DMD: variants seen among roughly 807,000 people sequenced by gnomAD.
DMD encodes the protein mutant dystrophin.
A neutral mutation model predicts 330.1 loss-of-function variants in DMD; 63 were observed. The observed-to-expected ratio is 0.19, with a 90% confidence interval of 0.16 to 0.24. The LOEUF is 0.24. Among genes scored for constraint, DMD ranks in the 10% least tolerant of loss-of-function variants. DMD has a pLI of 1.00. For missense variants in DMD, 3,344 were observed against 2,684.1 expected, an observed-to-expected ratio of 1.25 and a Z score of -5.43; for synonymous variants, 1,223 against 959.8, an observed-to-expected ratio of 1.27 and a Z score of -5.07.
rs141361608 is a variant in DMD, at chrX:32,257,971, GA to G, written c.6290+29557del. Among the ~76,000 whole-genome samples the G allele has an allele frequency of 5.3e-4, 54 of 101,965 alleles. 1 individual carries two copies. Among genetic ancestry groups the G allele is most frequent in the South Asian group, 2.2e-3 (5 of 2,322 alleles). The allele number at this position is 101,965 out of a possible 115,157, so 88.5% of individuals were successfully genotyped here. ...ATAAGGAACTTAAACAAATTTACAA[GA>G]AAAAAAAAAACCCATCAGAAAGTGG... is the stretch of plus-strand genomic sequence containing the variant. On this transcript the variant is annotated intron_variant, in intron 43 of 78. Coordinates refer to ENST00000357033, the MANE Select transcript of DMD (RefSeq NM_004006.3).
chrX:31,615,773 G>C (rs1365648156), intron 55 of DMD, among the ~76,000 whole-genome samples: 1 of 111,932 alleles, frequency 8.9e-6, no homozygotes, highest in Non-Finnish European at 1.9e-5. Context: ...TTCTTTCTAA[G>C]TAGTTTCTCA....
At chrX:31,301,325 G>A (rs1476369135) in intron 62 of DMD, among the ~76,000 whole-genome samples, 3 of 111,451 alleles carry the variant, frequency 2.7e-5, no homozygotes, top group African/African-American at 9.8e-5. Context: ...AGAACTACCC[G>A]TGACTGGGTA....
chrX:33,277,073 C>T (rs773557278), intron 1 of DMD, among the ~76,000 whole-genome samples: 26 of 111,452 alleles, frequency 2.3e-4, no homozygotes, highest in African/African-American at 7.8e-4. Flanking sequence ...GGTAGATGTA[C>T]CATCACCTCA....
intron 47 of DMD, among the ~76,000 whole-genome samples, chrX:31,895,226 A>C (rs1188686961): frequency 1.8e-5 from 2 of 111,605 alleles, no homozygotes; most frequent in Non-Finnish European, 3.8e-5. Context: ...GATTTCACAG[A>C]GGATATCTCA....
intron 47 of DMD, among the ~76,000 whole-genome samples, chrX:31,892,830 C>T (rs1021908808): frequency 2.7e-5 from 3 of 112,094 alleles, no homozygotes; most frequent in African/African-American, 9.7e-5. Context: ...TGGACCAAAA[C>T]CTCATTACAC....
chrX:31,720,561 TTGTC>T (rs1442915507), intron 52 of DMD, among the ~76,000 whole-genome samples: 2 of 111,986 alleles, frequency 1.8e-5, no homozygotes, highest in African/African-American at 6.5e-5. Context: ...TTAGCTCACT[TTGTC>T]TGAGTATAAA....
At chrX:32,684,158 CGAATA>C (rs1391264592) in intron 9 of DMD, among the ~76,000 whole-genome samples, 1 of 108,780 alleles carries the variant, frequency 9.2e-6, no homozygotes, top group Non-Finnish European at 1.9e-5. Flanking sequence ...TGTATAACTT[CGAATA>C]GAACATACTC....
rs999876346 is a variant in DMD, at chrX:32,201,478, C to T, written c.6438+15438G>A. 5.3e-5 allele frequency among the ~76,000 whole-genome samples: 5 copies of T among 94,857 alleles called. No homozygotes were observed. The South Asian group carries it at 2.2e-3, about 41-fold the overall frequency. 82.4% of individuals were successfully genotyped at this position (94,857 alleles called of 115,157 possible). A position where few individuals can be genotyped will look rare whatever the true frequency, so the allele number is the denominator to read the frequency against. On this transcript the variant is annotated intron_variant, in intron 44 of 78. Coordinates refer to ENST00000357033, the MANE Select transcript of DMD (RefSeq NM_004006.3). ...ATATGCAAATTCAAACACCCCCCCC[C>T]CCCCCAACAAGGAGGCCATATTTAG...
chrX:32,996,641 G>A (rs1348305349), intron 2 of DMD, among the ~76,000 whole-genome samples: 1 of 110,850 alleles, frequency 9.0e-6, no homozygotes, highest in African/African-American at 3.3e-5. Context: ...GGGCCAACAT[G>A]GCAAAACCTC....
chrX:32,925,406 C>T (rs12849008), intron 2 of DMD, among the ~76,000 whole-genome samples: 2 of 110,446 alleles, frequency 1.8e-5, no homozygotes, highest in South Asian at 3.9e-4. Context: ...AATAGAACCC[C>T]TGATTCAGGT....
intron 64 of DMD, among the ~76,000 whole-genome samples, chrX:31,212,666 A>G (rs2044858398): frequency 9.0e-6 from 1 of 111,573 alleles, no homozygotes; most frequent in African/African-American, 3.3e-5. Flanking sequence ...TTAGAGCCAG[A>G]AGGTTGCTTT....
chrX:32,536,254 A>T (rs1177225089), intron 17 of DMD, among the ~76,000 whole-genome samples: 4 of 79,046 alleles, frequency 5.1e-5, no homozygotes, highest in African/African-American at 2.2e-4. Flanking sequence ...ACAGAGTGAG[A>T]CTCCGTCTCC....
intron 55 of DMD, among the ~76,000 whole-genome samples, chrX:31,537,108 A>G (rs1018288944): frequency 7.1e-5 from 8 of 112,127 alleles, no homozygotes; most frequent in East Asian, 2.8e-4. Context: ...CATAATCAAC[A>G]CTGAAATCAC....
At chrX:31,868,817 A>G (rs1398786313) in intron 48 of DMD, among the ~76,000 whole-genome samples, 1 of 66,981 alleles carries the variant, frequency 1.5e-5, no homozygotes, top group Admixed American at 2.0e-4. Context: ...TAAACTTTGG[A>G]GACTTTTAAA....
chrX:31,605,807 A>C (rs2077582880), intron 55 of DMD, among the ~76,000 whole-genome samples: 1 of 112,095 alleles, frequency 8.9e-6, no homozygotes, highest in South Asian at 3.7e-4. Flanking sequence ...AATACTTGAG[A>C]AGAGATTAGA....
rs191902664 is a variant in DMD, at chrX:31,641,315, G to A, written c.8028-13453C>T. Among the ~76,000 whole-genome samples the A allele has an allele frequency of 1.9e-3, 210 of 107,905 alleles. 1 individual carries two copies. Among genetic ancestry groups the A allele is most frequent in the Non-Finnish European group, 3.0e-3 (155 of 52,194 alleles). The allele number at this position is 107,905 out of a possible 115,157, so 93.7% of individuals were successfully genotyped here. A position where few individuals can be genotyped will look rare whatever the true frequency, so the allele number is the denominator to read the frequency against. ...AGGAGTTCAAGACCAGCCTGGCCAAGATGGTGAAACCCTGTCTCTACTAAA... is the reference window on the plus strand; with the variant it reads ...AGGAGTTCAAGACCAGCCTGGCCAAAATGGTGAAACCCTGTCTCTACTAAA... On this transcript the variant is annotated intron_variant, in intron 54 of 78. Transcript: ENST00000357033.
Position 32,261,835 on chromosome X carries a change from G to A in DMD, c.6290+25694C>T, listed in dbSNP as rs535418649. On this transcript the variant is annotated intron_variant, in intron 43 of 78. Transcript: ENST00000357033. Reference sequence around the variant, plus strand: ...TGTGATTTTTCTGGGAAATTTTTTCGTGGAGTGGGTAATAAATAGAGCAGA... The same window carrying A: ...TGTGATTTTTCTGGGAAATTTTTTCATGGAGTGGGTAATAAATAGAGCAGA... Among the ~76,000 whole-genome samples, 23 of 111,603 alleles carry A rather than the reference G, an allele frequency of 2.1e-4. No individual in the cohort carries two copies. In the South Asian group the frequency reaches 4.1e-3, roughly 20 times the overall value.
chrX:32,342,034 TAG>T lies in DMD; in HGVS notation c.5922+64_5922+65del. On this transcript the variant is annotated intron_variant, in intron 41 of 78. Coordinates refer to ENST00000357033, the MANE Select transcript of DMD (RefSeq NM_004006.3). ...GATTTTTTGTCTCTTTTTTTTTTATTAGTAGGCCTCTGTTAATAGAGTAGTAG... is the reference window on the plus strand; with the variant it reads ...GATTTTTTGTCTCTTTTTTTTTTATTTAGGCCTCTGTTAATAGAGTAGTAG... 3.8e-6 allele frequency: 4 copies of T among 1,049,791 alleles called. No individual in the cohort carries two copies. In the Admixed American group the frequency reaches 9.9e-5, roughly 26 times the overall value. 86.5% of individuals were successfully genotyped at this position (1,049,791 alleles called of 1,213,427 possible).
At chrX:31,635,915 C>G (rs1424334473) in intron 54 of DMD, among the ~76,000 whole-genome samples, 1 of 111,630 alleles carries the variant, frequency 9.0e-6, no homozygotes, top group African/African-American at 3.3e-5. Context: ...CATCACATAC[C>G]AGTCAGAATG....
Sources: gnomAD v4.1 joint callset for allele counts (sites outside exome capture counted in the v4.1 genomes callset) on GRCh38, gnomAD v4.1.1 for gene constraint, MANE v1.5 for transcripts, NCBI Gene and HGNC (gene_info 2026-07-23, HGNC 2026-07-21) for gene names.